Variants in PEX14 observed in about 807,000 individuals in gnomAD.
The protein encoded by PEX14 is peroxisomal biogenesis factor 14.
Under a neutral mutation model 49.5 loss-of-function variants are expected in PEX14, and 15 were observed. The ratio of observed to expected loss-of-function variants is 0.30; its 90% CI spans 0.20 to 0.47. The LOEUF is 0.47. PEX14 is among the 20% of genes least tolerant of loss of function. PEX14 has a pLI of 1.00. For synonymous variants in PEX14, 210 were observed against 212.7 expected, an observed-to-expected ratio of 0.99 and a Z score of 0.11; for missense variants, 398 against 494.8, an observed-to-expected ratio of 0.80 and a Z score of 1.86.
At chr1:10,483,011 T>C (rs1383384155) in intron 1 of PEX14, among the ~76,000 whole-genome samples, 1 of 152,192 alleles carries the variant, frequency 6.6e-6, no homozygotes, top group Non-Finnish European at 1.5e-5. Context: ...GTAAGTGACG[T>C]TGTGTCTATC....
In PEX14 at chr1:10,588,329, A is replaced by G. The variant is rs1640562571; in HGVS notation, c.170-10909A>G. Reference sequence around the variant, plus strand: ...GCAGCTGGGATTATAGGTGTCCACCACTGTGCCCAGCTACATGTATGCTTT... The same window carrying G: ...GCAGCTGGGATTATAGGTGTCCACCGCTGTGCCCAGCTACATGTATGCTTT... On this transcript the variant is annotated intron_variant, in intron 3 of 8. Transcript: ENST00000356607. Among the ~76,000 whole-genome samples the G allele has an allele frequency of 2.6e-5, 4 of 152,084 alleles. No individual in the cohort carries two copies. The South Asian group carries it at 8.3e-4, about 32-fold the overall frequency.
At chr1:10,528,416 G>A (rs1369814455) in intron 2 of PEX14, 4 of 354,916 alleles carry the variant, frequency 1.1e-5, no homozygotes, top group Non-Finnish European at 1.6e-5. Context: ...GAGAGAAAGA[G>A]ACTAGGAAAT....
chr1:10,534,076 G>C (rs1447794032), intron 2 of PEX14, among the ~76,000 whole-genome samples: 1 of 152,124 alleles, frequency 6.6e-6, no homozygotes, highest in Admixed American at 6.5e-5. Flanking sequence ...TGTTTCTATG[G>C]GTAAATGATA....
chr1:10,485,880 C>T (rs1641359172), intron 1 of PEX14, among the ~76,000 whole-genome samples: 1 of 151,128 alleles, frequency 6.6e-6, no homozygotes, highest in African/African-American at 2.5e-5. Flanking sequence ...CTCAGACTCC[C>T]TAGTAGCTGA....
chr1:10,607,328 A>C lies in PEX14; in HGVS notation c.298+7962A>C, dbSNP rs568298652. 2.6e-5 allele frequency among the ~76,000 whole-genome samples: 4 copies of C among 152,038 alleles called. No homozygotes were observed. The East Asian group carries it at 7.7e-4, about 29-fold the overall frequency. ...GGACTTTGGGTTGTTTCCAGCTTTG[A>C]GCTATTACGAATAAAACTTTTGTGA... is the stretch of plus-strand genomic sequence containing the variant. On this transcript the variant is annotated intron_variant, in intron 4 of 8. Transcript: ENST00000356607.
At chr1:10,480,387 C>CTT (rs34544712) in intron 1 of PEX14, among the ~76,000 whole-genome samples, 1,136 of 87,222 alleles carry the variant, frequency 0.013, 24 homozygotes, top group Non-Finnish European at 0.014. Flanking sequence ...GCCTGGCTAA[C>CTT]TTTTTTTTTT....
At chr1:10,542,870 A>G (rs1229690208) in intron 3 of PEX14, among the ~76,000 whole-genome samples, 1 of 152,204 alleles carries the variant, frequency 6.6e-6, no homozygotes, top group Non-Finnish European at 1.5e-5. Flanking sequence ...TTCTTGTCGT[A>G]TACATTGTTG....
intron 3 of PEX14, among the ~76,000 whole-genome samples, chr1:10,591,124 C>T (rs1640650955): frequency 2.0e-5 from 3 of 152,128 alleles, no homozygotes; most frequent in African/African-American, 7.2e-5. Context: ...CATCCCAAAG[C>T]AAATGTTTGT....
At chr1:10,501,537 G>A (rs1240376359) in intron 2 of PEX14, among the ~76,000 whole-genome samples, 1 of 152,058 alleles carries the variant, frequency 6.6e-6, no homozygotes, top group East Asian at 2.0e-4. Context: ...TCCTGACCTC[G>A]TGATCCGCCC....
At chr1:10,516,244 C>G (rs1430757493) in intron 2 of PEX14, among the ~76,000 whole-genome samples, 1 of 152,146 alleles carries the variant, frequency 6.6e-6, no homozygotes. Context: ...TCTGGTTGTT[C>G]CCTAGCCCTG....
Position 10,613,508 on chromosome 1 carries a change from C to T in PEX14, c.299-4824C>T, listed in dbSNP as rs189042278. 2.0e-5 allele frequency among the ~76,000 whole-genome samples: 3 copies of T among 152,296 alleles called. No homozygotes were observed. Among genetic ancestry groups the T allele is most frequent in the African/African-American group, 7.2e-5 (3 of 41,560 alleles). The stretch of plus-strand genomic sequence containing the variant: ...CTCATTGCAGCCCACAGCGCCACAG[C>T]GTAGAGGCAGTCCAGGAAGGCCCAG... On this transcript the variant is annotated intron_variant, in intron 4 of 8. Coordinates refer to ENST00000356607, the MANE Select transcript of PEX14 (RefSeq NM_004565.3). The surrounding 1 kb of genome is among the most constrained non-coding windows in gnomAD (Gnocchi z 5.0).
At chr1:10,584,134 C>T (rs1055367408) in intron 3 of PEX14, among the ~76,000 whole-genome samples, 7 of 152,022 alleles carry the variant, frequency 4.6e-5, no homozygotes, top group African/African-American at 1.7e-4. Context: ...GGAAGTAAAT[C>T]CAATAGAATA....
intron 3 of PEX14, among the ~76,000 whole-genome samples, chr1:10,582,434 G>A (rs1640347451): frequency 6.6e-6 from 1 of 152,124 alleles, no homozygotes. Flanking sequence ...TAAAAGAAAG[G>A]TTACAAAGCC....
intron 2 of PEX14, among the ~76,000 whole-genome samples, chr1:10,503,492 T>C (rs1019478553): frequency 1.7e-4 from 26 of 151,956 alleles, no homozygotes; most frequent in African/African-American, 6.3e-4. Context: ...TACAAAACTT[T>C]TATTTGGGCA....
chr1:10,536,378 G>T, intron 3 of PEX14, 81 bp downstream of exon 3: 1 of 892,230 alleles, frequency 1.1e-6, no homozygotes, highest in South Asian at 1.3e-5. Flanking sequence ...TGCAAGGCAG[G>T]TGCTGAGCTG....
chr1:10,564,137 C>T (rs1383610126), intron 3 of PEX14, among the ~76,000 whole-genome samples: 1 of 151,578 alleles, frequency 6.6e-6, no homozygotes, highest in Admixed American at 6.6e-5. Context: ...TTTGAATATT[C>T]GGCCTGATTG....
intron 2 of PEX14, among the ~76,000 whole-genome samples, chr1:10,503,078 G>C (rs1160135226): frequency 6.6e-6 from 1 of 151,770 alleles, no homozygotes; most frequent in Non-Finnish European, 1.5e-5. Context: ...TGGGATTACA[G>C]GTGTGAGCCA....
intron 8 of PEX14, 24 bp downstream of exon 8, chr1:10,627,387 T>A: frequency 6.6e-7 from 1 of 1,516,782 alleles, no homozygotes; most frequent in Non-Finnish European, 9.2e-7. Flanking sequence ...ATGGGGACCC[T>A]GTTCTGGTCG....
At chr1:10,547,747 A>T (rs1192125583) in intron 3 of PEX14, among the ~76,000 whole-genome samples, 1 of 152,180 alleles carries the variant, frequency 6.6e-6, no homozygotes, top group African/African-American at 2.4e-5. Context: ...ACCACAGATA[A>T]AGGGAGACTT....
Sources: gnomAD v4.1 joint callset for allele counts (sites outside exome capture counted in the v4.1 genomes callset) on GRCh38, gnomAD v4.1.1 for gene constraint, Gnocchi (gnomAD v3.1) non-coding constraint, MANE v1.5 for transcripts, NCBI Gene and HGNC (gene_info 2026-07-23, HGNC 2026-07-21) for gene names.